Variants in LYPD6 observed in about 807,000 individuals in gnomAD.
The protein encoded by LYPD6 is LY6/PLAUR domain containing 6, also known as ly6/PLAUR domain-containing protein 6.
In LYPD6, 15 loss-of-function variants were observed where a neutral mutation model predicts 22.7. The ratio of observed to expected loss-of-function variants is 0.66; its 90% CI spans 0.44 to 1.02. The LOEUF (loss-of-function observed/expected upper bound fraction) is 1.02, where lower values mean the gene tolerates loss of function less well. Ranked by LOEUF, LYPD6 falls within the 50% of genes least tolerant of loss-of-function variation. The pLI is 0.00. For synonymous variants in LYPD6, 72 were observed against 77.5 expected (o/e 0.93, Z 0.37); for missense variants, 189 against 208.4 (o/e 0.91, Z 0.57).
chr2:149,404,829 C>T (rs1336015145), intron 1 of LYPD6, among the ~76,000 whole-genome samples: 1 of 152,248 alleles, frequency 6.6e-6, no homozygotes, highest in Non-Finnish European at 1.5e-5. Flanking sequence ...AAAGGGAATG[C>T]TTCCAGTTTT....
chr2:149,467,264 T>G (rs1165170619), intron 3 of LYPD6, among the ~76,000 whole-genome samples: 1 of 152,154 alleles, frequency 6.6e-6, no homozygotes, highest in Non-Finnish European at 1.5e-5. Context: ...AACTAACAAT[T>G]CCAGCCGGGA....
At chr2:149,373,056 G>A (rs1365825793) in intron 1 of LYPD6, among the ~76,000 whole-genome samples, 1 of 152,158 alleles carries the variant, frequency 6.6e-6, no homozygotes, top group Non-Finnish European at 1.5e-5. Flanking sequence ...AGGGGACTAA[G>A]TGAGAGCAGT....
intron 1 of LYPD6, among the ~76,000 whole-genome samples, chr2:149,384,661 T>TAGTCC (rs1682140129): frequency 6.6e-6 from 1 of 152,222 alleles, no homozygotes; most frequent in Non-Finnish European, 1.5e-5. Flanking sequence ...ACCATGCATC[T>TAGTCC]CTGTGACTAG....
At chr2:149,347,071 T>C (rs1456725947) in intron 1 of LYPD6, among the ~76,000 whole-genome samples, 1 of 152,040 alleles carries the variant, frequency 6.6e-6, no homozygotes, top group East Asian at 1.9e-4. Flanking sequence ...AGGTCTGGTG[T>C]CTGGTGACTT....
chr2:149,379,121 A>G (rs563622950), intron 1 of LYPD6, among the ~76,000 whole-genome samples: 4 of 152,200 alleles, frequency 2.6e-5, no homozygotes, highest in Non-Finnish European at 5.9e-5. Context: ...TGTTGGTTCA[A>G]GCAGGCAGGA....
rs564525222 is a variant in LYPD6, at chr2:149,351,050, G to T, written c.-72+20328G>T. Among the ~76,000 whole-genome samples, 54 of 152,210 alleles carry T rather than the reference G, an allele frequency of 3.5e-4. 1 individual carries two copies. Among genetic ancestry groups the T allele is most frequent in the Non-Finnish European group, 7.2e-4 (49 of 68,034 alleles). On this transcript the variant is annotated intron_variant, in intron 1 of 4. Coordinates refer to ENST00000334166, the MANE Select transcript of LYPD6 (RefSeq NM_194317.5). Reference sequence around the variant, plus strand: ...GAAAAGCAGAATGACATTAGATGAGGTGAGGTCATTTTTATGGTCTTAAAG... The same window carrying T: ...GAAAAGCAGAATGACATTAGATGAGTTGAGGTCATTTTTATGGTCTTAAAG...
intron 1 of LYPD6, among the ~76,000 whole-genome samples, chr2:149,361,911 G>A (rs79722746): frequency 0.021 from 3,139 of 152,176 alleles, 96 homozygotes; most frequent in African/African-American, 0.071. Flanking sequence ...AAGATGATGT[G>A]ATGAGAGAAG....
intron 3 of LYPD6, chr2:149,464,426 T>C (rs1310730159): frequency 1.0e-5 from 2 of 199,396 alleles, no homozygotes; most frequent in Non-Finnish European, 2.2e-5. Flanking sequence ...TGTCTCAAGG[T>C]ATATACGAGG....
At chr2:149,409,522 G>A (rs1160665001) in intron 1 of LYPD6, among the ~76,000 whole-genome samples, 1 of 152,130 alleles carries the variant, frequency 6.6e-6, no homozygotes, top group Non-Finnish European at 1.5e-5. Flanking sequence ...AAGAGATTAT[G>A]GCCTTTGTCT....
intron 1 of LYPD6, among the ~76,000 whole-genome samples, chr2:149,373,077 G>C (rs529017719): frequency 4.6e-5 from 7 of 152,224 alleles, no homozygotes; most frequent in African/African-American, 1.7e-4. Context: ...GGCCATGGCT[G>C]GGAGGCTGAT....
chr2:149,372,661 C>T (rs916929458), intron 1 of LYPD6, among the ~76,000 whole-genome samples: 1 of 152,092 alleles, frequency 6.6e-6, no homozygotes, highest in East Asian at 1.9e-4. Flanking sequence ...TTATTGATCT[C>T]TATGAGCCAA....
chr2:149,335,130 C>T (rs1416492084), intron 1 of LYPD6, among the ~76,000 whole-genome samples: 1 of 151,250 alleles, frequency 6.6e-6, no homozygotes, highest in Admixed American at 6.5e-5. Flanking sequence ...GAGAGAACTC[C>T]TACTTATTTT....
At chr2:149,345,773 A>G (rs1369733129) in intron 1 of LYPD6, among the ~76,000 whole-genome samples, 1 of 152,144 alleles carries the variant, frequency 6.6e-6, no homozygotes, top group Non-Finnish European at 1.5e-5. Context: ...AAAACTCCAA[A>G]TTGCATTTTG....
rs367753547 is a variant in LYPD6 at position 149,468,697 on chromosome 2, C to T, written c.270C>T (p.Ile90=). 2 of 1,613,570 alleles carry T rather than the reference C, an allele frequency of 1.2e-6. No homozygotes were observed. The highest frequency in any genetic ancestry group is 2.7e-5 in the African/African-American group (2 of 74,884). The change falls in exon 4 of 5, where the codon ATC becomes ATT. Residue 90 remains isoleucine (I), a synonymous_variant. Coordinates refer to ENST00000334166, the MANE Select transcript of LYPD6 (RefSeq NM_194317.5). ...QHTMEVTGNS[I]SVTKRCVPLE... ...CAATGGAAGTCACAGGAAACAGTATCTCAGTCACCAAACGCTGTGTCCCAC... is the reference window on the plus strand; with the variant it reads ...CAATGGAAGTCACAGGAAACAGTATTTCAGTCACCAAACGCTGTGTCCCAC...
chr2:149,401,523 C>T (rs772664804), intron 1 of LYPD6, among the ~76,000 whole-genome samples: 4 of 152,254 alleles, frequency 2.6e-5, no homozygotes, highest in Admixed American at 6.5e-5. Flanking sequence ...GTCCATTCTT[C>T]GAGCATTGAT....
chr2:149,403,143 G>C (rs1682601528), intron 1 of LYPD6, among the ~76,000 whole-genome samples: 1 of 152,020 alleles, frequency 6.6e-6, no homozygotes, highest in Admixed American at 6.6e-5. Context: ...TTGGACATTT[G>C]GGTTGGTTCC....
intron 1 of LYPD6, among the ~76,000 whole-genome samples, chr2:149,365,250 C>T (rs1681639135): frequency 6.6e-6 from 1 of 152,194 alleles, no homozygotes; most frequent in South Asian, 2.1e-4. Flanking sequence ...GTTGGCAAAG[C>T]ACCTCATGAA....
chr2:149,392,105 A>G (rs867976105), intron 1 of LYPD6, among the ~76,000 whole-genome samples: 7 of 152,276 alleles, frequency 4.6e-5, no homozygotes, highest in Middle Eastern at 3.4e-3. Flanking sequence ...GTGTCCTCCC[A>G]TGGGGATGGG....
At chr2:149,449,489 A>G (rs1041196628) in intron 3 of LYPD6, among the ~76,000 whole-genome samples, 5 of 152,212 alleles carry the variant, frequency 3.3e-5, no homozygotes, top group Non-Finnish European at 7.3e-5. Flanking sequence ...TCTTTTATGT[A>G]ATGTATGAAT....
Sources: allele counts gnomAD v4.1 joint callset (sites outside exome capture counted in the v4.1 genomes callset), GRCh38; gene constraint gnomAD v4.1.1; transcripts MANE v1.5; gene names NCBI Gene and HGNC (gene_info 2026-07-23, HGNC 2026-07-21).